The following PKD2L1 variants were observed in gnomAD, a reference collection of about 807,000 sequenced individuals.
PKD2L1 encodes the protein polycystin 2 like 1, transient receptor potential cation channel, also known as polycystin-2-like protein 1.
Under a neutral mutation model 93.0 loss-of-function variants are expected in PKD2L1, and 77 were observed. The ratio of observed to expected loss-of-function variants is 0.83; its 90% CI spans 0.69 to 1.00. PKD2L1 has a LOEUF of 1.00. PKD2L1 is among the 50% of genes least tolerant of loss of function. The pLI, the probability that PKD2L1 is intolerant of heterozygous loss-of-function variation, is 0.00. For missense variants in PKD2L1, 977 were observed against 990.9 expected, an observed-to-expected ratio of 0.99 and a Z score of 0.19; for synonymous variants, 390 against 388.0, an observed-to-expected ratio of 1.01 and a Z score of -0.06.
chr10:100,291,555 T>C (rs1225466526), intron 11 of PKD2L1, 128 bp from the exon 12 acceptor site: 5 of 860,710 alleles, frequency 5.8e-6, no homozygotes, highest in Admixed American at 5.2e-5. Context: ...CTCCAAAGTC[T>C]AGCAATCTTA....
At chr10:100,298,066 C>T (rs2134383771) in intron 4 of PKD2L1, among the ~76,000 whole-genome samples, 1 of 152,218 alleles carries the variant, frequency 6.6e-6, no homozygotes, top group South Asian at 2.1e-4. Context: ...GCTCCTTCAC[C>T]CCATGTTTCT....
At chr10:100,293,421 C>T (rs1483740804) in intron 9 of PKD2L1, 42 bp from the exon 10 acceptor site, 1 of 1,289,648 alleles carries the variant, frequency 7.8e-7, no homozygotes, top group Non-Finnish European at 1.1e-6. Flanking sequence ...CCCCCAGACC[C>T]ACTGAAAGGA....
At chr10:100,316,019 C>G (rs1001152322) in intron 2 of PKD2L1, among the ~76,000 whole-genome samples, 2 of 152,218 alleles carry the variant, frequency 1.3e-5, no homozygotes, top group African/African-American at 4.8e-5. Context: ...CTGGGACCTT[C>G]AAGATTTCCC....
chr10:100,322,100 C>T (rs1422920150), intron 2 of PKD2L1, among the ~76,000 whole-genome samples: 2 of 151,632 alleles, frequency 1.3e-5, no homozygotes, highest in African/African-American at 2.4e-5. Flanking sequence ...GTGGTGCATG[C>T]CTGTAGACCC....
chr10:100,296,908 C>T, intron 6 of PKD2L1, 72 bp downstream of exon 6: 2 of 963,256 alleles, frequency 2.1e-6, no homozygotes, highest in Non-Finnish European at 3.3e-6. Flanking sequence ...AAGGAAGAAC[C>T]TGGAGCCCCT....
At chr10:100,325,847 A>G (rs1849366937) in intron 2 of PKD2L1, among the ~76,000 whole-genome samples, 1 of 152,210 alleles carries the variant, frequency 6.6e-6, no homozygotes, top group South Asian at 2.1e-4. Context: ...GAGCTATTTT[A>G]TTTAACCTGC....
intron 2 of PKD2L1, among the ~76,000 whole-genome samples, chr10:100,301,058 C>T (rs556930612): frequency 2.0e-5 from 3 of 152,272 alleles, no homozygotes; most frequent in Admixed American, 6.5e-5. Flanking sequence ...GGAGACGTCA[C>T]ATGTCGGCAG....
At chr10:100,300,534 G>A (rs1589667005) in intron 2 of PKD2L1, among the ~76,000 whole-genome samples, 1 of 152,268 alleles carries the variant, frequency 6.6e-6, no homozygotes, top group African/African-American at 2.4e-5. Flanking sequence ...AAAAGTATAA[G>A]TCATTTATTT....
chr10:100,301,456 C>CT (rs559019448), intron 2 of PKD2L1, among the ~76,000 whole-genome samples: 3 of 135,676 alleles, frequency 2.2e-5, no homozygotes, highest in South Asian at 4.3e-4. Flanking sequence ...TTTTAGAGGC[C>CT]CCCCCCCCGG....
At chr10:100,315,187 G>GTTTTA (rs1235663318) in intron 2 of PKD2L1, among the ~76,000 whole-genome samples, 1 of 151,638 alleles carries the variant, frequency 6.6e-6, no homozygotes, top group African/African-American at 2.4e-5. Context: ...TTTTTATTTT[G>GTTTTA]TTTTATTTTA....
At chr10:100,289,800 CAT>C (rs1314385515) in intron 14 of PKD2L1, among the ~76,000 whole-genome samples, 2 of 152,198 alleles carry the variant, frequency 1.3e-5, no homozygotes, top group African/African-American at 4.8e-5. Context: ...CAGACCATCT[CAT>C]GTGGCCAAGG....
intron 2 of PKD2L1, among the ~76,000 whole-genome samples, chr10:100,324,043 G>C (rs1194576350): frequency 1.3e-5 from 2 of 152,142 alleles, no homozygotes; most frequent in Non-Finnish European, 2.9e-5. Context: ...GGCCAGGCTG[G>C]TCTCGAACTC....
chr10:100,297,496 C>A lies in PKD2L1; in HGVS notation c.842G>T (p.Ser281Ile). The stretch of plus-strand genomic sequence containing the variant: ...CTGAAGGGCCCGGAGAGCCTCTGCA[C>A]TACCCTGTCGGGATCCTGGAAGGTC... ...YLDLPGSRQG[S>I]AEALRALQEG... Residue 281 changes from serine (S) to isoleucine (I), a missense_variant, in exon 5 of 16, where the codon AGT (serine) becomes ATT (isoleucine). Ser to Ile is a moderately radical substitution (Grantham distance 142, BLOSUM62 -2). Coordinates refer to ENST00000318222, the MANE Select transcript of PKD2L1 (RefSeq NM_016112.3). 6.2e-7 allele frequency: 1 copy of A among 1,614,206 alleles called. No individual in the cohort carries two copies. The highest frequency in any genetic ancestry group is 2.2e-5 in the East Asian group (1 of 44,878).
At chr10:100,313,608 A>C (rs12248168) in intron 2 of PKD2L1, among the ~76,000 whole-genome samples, 4,238 of 152,306 alleles carry the variant, frequency 0.028, 195 homozygotes, top group African/African-American at 0.095. Context: ...TGACCGAACC[A>C]TATGTTCATC....
intron 2 of PKD2L1, among the ~76,000 whole-genome samples, chr10:100,308,266 C>T (rs1193486531): frequency 6.6e-6 from 1 of 151,990 alleles, no homozygotes; most frequent in African/African-American, 2.4e-5. Flanking sequence ...CTCCCAGGAT[C>T]CTGAAAAATA....
chr10:100,315,284 T>A (rs1194124592), intron 2 of PKD2L1, among the ~76,000 whole-genome samples: 1 of 152,038 alleles, frequency 6.6e-6, no homozygotes, highest in Non-Finnish European at 1.5e-5. Context: ...GCTGCACCTA[T>A]CAACCCGTCA....
chr10:100,293,047 C>T lies in PKD2L1; in HGVS notation c.1781G>A (p.Arg594Lys), dbSNP rs1190964519. The change falls in exon 11 of 16, where the codon AGA (arginine) becomes AAA (lysine). Residue 594 changes from arginine to lysine, a missense_variant. By Grantham distance (26) the Arg-to-Lys change is conservative. Coordinates refer to ENST00000318222, the MANE Select transcript of PKD2L1 (RefSeq NM_016112.3). ...AACCCTCTCCTTCCTCAGACGCAGT[C>T]TTAGTAGGGTCTTGTTGTAGCCCTG... ...LKQGYNKTLLRLRLRKERVSD... is the reference protein window; with the variant it reads ...LKQGYNKTLLKLRLRKERVSD... The T allele has an allele frequency of 1.2e-5, 19 of 1,614,054 alleles. No individual in the cohort carries two copies. The highest frequency in any genetic ancestry group is 3.3e-4 in the Middle Eastern group (2 of 6,084).
chr10:100,294,202 A>G (rs558605353), intron 9 of PKD2L1, among the ~76,000 whole-genome samples: 92 of 152,294 alleles, frequency 6.0e-4, no homozygotes, highest in African/African-American at 2.1e-3. Flanking sequence ...TGAGATCCCC[A>G]GAGGAAGGGG....
intron 2 of PKD2L1, among the ~76,000 whole-genome samples, chr10:100,317,069 C>T (rs1849115341): frequency 6.6e-6 from 1 of 151,690 alleles, no homozygotes; most frequent in South Asian, 2.1e-4. Context: ...GCCTGGGTGA[C>T]AGAGCTGAGA....
Sources: gnomAD v4.1 joint callset for allele counts (sites outside exome capture counted in the v4.1 genomes callset) on GRCh38, gnomAD v4.1.1 for gene constraint, MANE v1.5 for transcripts, NCBI Gene and HGNC (gene_info 2026-07-23, HGNC 2026-07-21) for gene names.